The following GUCA1C variants were observed in gnomAD, a reference collection of about 807,000 sequenced individuals.
The protein encoded by GUCA1C is guanylyl cyclase-activating protein 3.
Under a neutral mutation model 16.2 loss-of-function variants are expected in GUCA1C, and 15 were observed. The ratio of observed to expected loss-of-function variants is 0.93; its 90% CI spans 0.62 to 1.43. The LOEUF (loss-of-function observed/expected upper bound fraction) is 1.43. Among genes scored for constraint, GUCA1C ranks in the 40% most tolerant of loss-of-function variants. The probability of loss-of-function intolerance (pLI) is 0.00; values close to 1 mark genes in which losing one functional copy is unlikely to be tolerated. For missense variants in GUCA1C, 275 were observed against 244.8 expected (o/e 1.12, Z -0.82); for synonymous variants, 78 against 85.4 (o/e 0.91, Z 0.48).
At chr3:108,947,673 T>G (rs867855526) in intron 1 of GUCA1C, among the ~76,000 whole-genome samples, 16 of 152,162 alleles carry the variant, frequency 1.1e-4, no homozygotes, top group African/African-American at 2.9e-4. Flanking sequence ...GTATTTTTTC[T>G]TTTAAAAAAT....
At chr3:108,916,689 T>C (rs1431501644) in intron 2 of GUCA1C, among the ~76,000 whole-genome samples, 2 of 152,172 alleles carry the variant, frequency 1.3e-5, no homozygotes, top group Admixed American at 6.5e-5. Flanking sequence ...TGTGGAATGA[T>C]TGACTGGGGA....
intron 1 of GUCA1C, among the ~76,000 whole-genome samples, chr3:108,942,252 A>G (rs78242710): frequency 2.0e-5 from 3 of 152,196 alleles, no homozygotes; most frequent in Non-Finnish European, 4.4e-5. Context: ...AGAAGTGTTG[A>G]GTGTTAGCCT....
intron 1 of GUCA1C, among the ~76,000 whole-genome samples, chr3:108,943,706 G>C (rs1040779962): frequency 7.2e-5 from 11 of 152,104 alleles, no homozygotes; most frequent in African/African-American, 2.7e-4. Flanking sequence ...GAATGCCTGA[G>C]TATGGAAGCT....
rs1206336521 is a variant in GUCA1C, at chr3:108,908,183, T to G, written c.469A>C (p.Asn157His). 6.2e-7 allele frequency: 1 copy of G among 1,613,456 alleles called. No homozygotes were observed. The highest frequency in any genetic ancestry group is 1.3e-5 in the African/African-American group (1 of 75,018). Residue 157 changes from asparagine (N) to histidine (H), a missense_variant, in exon 4 of 4, where the codon AAT becomes CAT. Transcript: ENST00000261047. ...DGELTLEEFINGMAKDQDLLE... is the reference protein window; with the variant it reads ...DGELTLEEFIHGMAKDQDLLE... The stretch of plus-strand genomic sequence containing the variant: ...AGATCCTGATCTTTTGCCATGCCAT[T>G]GATAAATTCTTCTAAAGTCAATTCC...
chr3:108,927,416 T>C (rs1355560158), intron 1 of GUCA1C, among the ~76,000 whole-genome samples: 1 of 149,994 alleles, frequency 6.7e-6, no homozygotes, highest in Non-Finnish European at 1.5e-5. Context: ...GGAGGTTCTG[T>C]TCATTTTTTT....
intron 1 of GUCA1C, among the ~76,000 whole-genome samples, chr3:108,934,959 G>A (rs908846898): frequency 3.3e-5 from 5 of 151,768 alleles, no homozygotes; most frequent in East Asian, 1.9e-4. Flanking sequence ...GACTACAGGC[G>A]CCCGCCACCA....
Position 108,916,108 on chromosome 3 carries a change from T to C in GUCA1C, c.442+19A>G, listed in dbSNP as rs767934295. 1 of 1,612,656 alleles carries C rather than the reference T, an allele frequency of 6.2e-7. No homozygotes were observed. The highest frequency in any genetic ancestry group is 1.1e-5 in the South Asian group (1 of 90,786). ...CTACTTTGTAGGAAAAGTGATCCAG[T>C]AGAGAGTAGCTCCATTACCATCATT... On this transcript the variant is annotated intron_variant, in intron 3 of 3. Transcript: ENST00000261047.
chr3:108,913,230 A>T lies in GUCA1C; in HGVS notation c.442+2897T>A, dbSNP rs914145392. Among the ~76,000 whole-genome samples, 6 of 147,910 alleles carry T rather than the reference A, an allele frequency of 4.1e-5. No individual in the cohort carries two copies. The South Asian group carries it at 1.1e-3, about 26-fold the overall frequency. On this transcript the variant is annotated intron_variant, in intron 3 of 3. Transcript: ENST00000261047. ...TGCTTGCTTTTTATTTTGAGAAATA[A>T]ATATATATATATATATATGTCAGTG...
At chr3:108,920,102 C>T (rs909076875) in intron 2 of GUCA1C, among the ~76,000 whole-genome samples, 1 of 152,056 alleles carries the variant, frequency 6.6e-6, no homozygotes, top group Non-Finnish European at 1.5e-5. Flanking sequence ...ATATATAAAC[C>T]ATCTCATAGT....
intron 2 of GUCA1C, 126 bp downstream of exon 2, chr3:108,920,310 T>C (rs1032575482): frequency 1.4e-6 from 1 of 710,254 alleles, no homozygotes; most frequent in Non-Finnish European, 2.5e-6. Context: ...TTATATTACT[T>C]CAGCAATTCA....
At chr3:108,912,291 A>G (rs1303162034) in intron 3 of GUCA1C, among the ~76,000 whole-genome samples, 1 of 151,838 alleles carries the variant, frequency 6.6e-6, no homozygotes, top group Non-Finnish European at 1.5e-5. Context: ...AAATCATGTC[A>G]AGAATGATGC....
chr3:108,919,004 A>G (rs868193263), intron 2 of GUCA1C, among the ~76,000 whole-genome samples: 1 of 152,116 alleles, frequency 6.6e-6, no homozygotes. Context: ...CTCTAAAACA[A>G]AGATCAGCTT....
Position 108,934,139 on chromosome 3 carries a change from G to A in GUCA1C, c.205-13554C>T, listed in dbSNP as rs1202763322. ...GGGAGCTGAACAATGAGAACACATG[G>A]ACACAGGGAGGGGAACATCACACAC... On this transcript the variant is annotated intron_variant, in intron 1 of 3. Coordinates refer to ENST00000261047, the MANE Select transcript of GUCA1C (RefSeq NM_005459.4). 2.0e-5 allele frequency among the ~76,000 whole-genome samples: 3 copies of A among 151,870 alleles called. No individual in the cohort carries two copies. The East Asian group carries it at 5.8e-4, about 30-fold the overall frequency.
At chr3:108,916,076 C>A (rs762973284) in intron 3 of GUCA1C, 51 bp downstream of exon 3, 1 of 1,607,390 alleles carries the variant, frequency 6.2e-7, no homozygotes, top group Non-Finnish European at 8.5e-7. Flanking sequence ...CCCACTACCA[C>A]CATCTCCTAC....
intron 1 of GUCA1C, among the ~76,000 whole-genome samples, chr3:108,927,566 G>T (rs1946634044): frequency 6.6e-6 from 1 of 151,580 alleles, no homozygotes; most frequent in Non-Finnish European, 1.5e-5. Context: ...CTCTAACTGG[G>T]TCCTTGATTT....
intron 1 of GUCA1C, among the ~76,000 whole-genome samples, chr3:108,951,902 A>AGG (rs1946899723): frequency 6.6e-6 from 1 of 152,238 alleles, no homozygotes; most frequent in Non-Finnish European, 1.5e-5. Flanking sequence ...ATCTGACAGC[A>AGG]GATCCTTGCT....
chr3:108,919,046 C>T (rs185035276), intron 2 of GUCA1C, among the ~76,000 whole-genome samples: 118 of 152,180 alleles, frequency 7.8e-4, no homozygotes, highest in African/African-American at 2.7e-3. Flanking sequence ...CCACATTTCC[C>T]GGAATGTTTT....
chr3:108,913,943 G>A (rs1946482780), intron 3 of GUCA1C, among the ~76,000 whole-genome samples: 1 of 152,052 alleles, frequency 6.6e-6, no homozygotes, highest in Admixed American at 6.5e-5. Flanking sequence ...GGGGGAGCCT[G>A]TAGTCCCAGC....
intron 1 of GUCA1C, among the ~76,000 whole-genome samples, chr3:108,931,229 A>T (rs1178521434): frequency 9.8e-5 from 15 of 152,338 alleles, no homozygotes; most frequent in Non-Finnish European, 1.9e-4. Flanking sequence ...TGCATTTTTC[A>T]ATGTCACCTG....
Sources: allele counts gnomAD v4.1 joint callset (sites outside exome capture counted in the v4.1 genomes callset), GRCh38; gene constraint gnomAD v4.1.1; transcripts MANE v1.5; gene names NCBI Gene and HGNC (gene_info 2026-07-23, HGNC 2026-07-21).